The following CCP110 variants were observed in gnomAD, a reference collection of about 807,000 sequenced individuals.
CCP110 encodes the protein centriolar coiled-coil protein 110.
A neutral mutation model predicts 105.5 loss-of-function variants in CCP110; 43 were observed. The ratio of observed to expected loss-of-function variants is 0.41; its 90% CI spans 0.32 to 0.53. The LOEUF (loss-of-function observed/expected upper bound fraction) is 0.53. Among genes scored for constraint, CCP110 ranks in the 20% least tolerant of loss-of-function variants. The pLI, the probability that CCP110 is intolerant of heterozygous loss-of-function variation, is 0.32. For synonymous variants in CCP110, 353 were observed against 392.1 expected (o/e 0.90, Z 1.18); for missense variants, 1,016 against 1,189.1 (o/e 0.85, Z 2.14).
chr16:19,533,268 T>G (rs1470533706), intron 3 of CCP110, among the ~76,000 whole-genome samples: 1 of 152,220 alleles, frequency 6.6e-6, no homozygotes, highest in African/African-American at 2.4e-5. Context: ...TAAGGGTTCA[T>G]TTCTCTGTTG....
chr16:19,551,205 C>T lies in CCP110; in HGVS notation c.2996C>T (p.Ala999Val), dbSNP rs778510509. 22 of 1,609,366 alleles carry T rather than the reference C, an allele frequency of 1.4e-5. 1 individual carries two copies. The South Asian group carries it at 2.2e-4, about 16-fold the overall frequency. Residue 999 changes from alanine (A) to valine (V), a missense_variant, in exon 15 of 15, where the codon GCA becomes GTA. Transcript: ENST00000381396. ...TTTGCTCTATTTTTAGGAGTATATG[C>T]AGGAAAAATCCAAAGAAAGCGGCCA... is the stretch of plus-strand genomic sequence containing the variant.
intron 2 of CCP110, among the ~76,000 whole-genome samples, chr16:19,529,126 A>AT (rs1272447476): frequency 1.3e-5 from 2 of 152,204 alleles, no homozygotes; most frequent in African/African-American, 4.8e-5. Context: ...AAATGGTTAG[A>AT]ATACCACCTG....
At chr16:19,551,282 A>C in exon 15 of CCP110, 1 of 1,552,370 alleles carries the variant, frequency 6.4e-7, no homozygotes. Context: ...AATGGGGGGA[A>C]GGATTATTAT....
intron 14 of CCP110, 89 bp from the exon 14 acceptor site, chr16:19,551,107 G>A: frequency 1.3e-6 from 1 of 793,906 alleles, no homozygotes; most frequent in Non-Finnish European, 2.3e-6. Context: ...GCCTAGCTCA[G>A]TGTTTGTTCC....
exon 10 of CCP110, chr16:19,545,119 A>T: frequency 6.2e-7 from 1 of 1,610,776 alleles, no homozygotes. Context: ...TACGGTATTC[A>T]TGACATATTC....
At chr16:19,527,912 A>C in exon 2 of CCP110, 1 of 1,613,506 alleles carries the variant, frequency 6.2e-7, no homozygotes, top group African/African-American at 1.3e-5. Context: ...CTGTGAAAAA[A>C]GTCTTGCCAG....
At chr16:19,530,889 G>A (rs746696202) in intron 2 of CCP110, among the ~76,000 whole-genome samples, 8 of 152,022 alleles carry the variant, frequency 5.3e-5, no homozygotes, top group Non-Finnish European at 1.2e-4. Flanking sequence ...AGGAGGGATC[G>A]GGATCGCACC....
At chr16:19,543,754 G>A (rs1320461124) in intron 8 of CCP110, among the ~76,000 whole-genome samples, 2 of 152,166 alleles carry the variant, frequency 1.3e-5, no homozygotes, top group African/African-American at 4.8e-5. Flanking sequence ...ATGCGGTTGA[G>A]ATAAGGACTA....
At chr16:19,536,093 A>T (rs1395576529) in exon 4 of CCP110, 1 of 1,614,008 alleles carries the variant, frequency 6.2e-7, no homozygotes, top group Non-Finnish European at 8.5e-7. Context: ...GCTTGATAAG[A>T]TAGCTGGGAT....
At chr16:19,534,607 G>A (rs1375501823) in intron 3 of CCP110, among the ~76,000 whole-genome samples, 2 of 151,896 alleles carry the variant, frequency 1.3e-5, no homozygotes, top group East Asian at 3.9e-4. Flanking sequence ...CATCCTTTTT[G>A]TTTTATTTTG....
chr16:19,548,474 C>A lies in CCP110; in HGVS notation c.2901-41C>A. ...TTCTTTGAATTTTGAACATTTAGAC[C>A]TTAATGCCAGTGACTTATTAATTTT... On this transcript the variant is annotated intron_variant, in intron 13 of 14. Transcript: ENST00000381396. The surrounding 1 kb of genome is among the most constrained non-coding windows in gnomAD (Gnocchi z 4.1). The A allele has an allele frequency of 7.9e-7, 1 of 1,271,852 alleles. No homozygotes were observed. The highest frequency in any genetic ancestry group is 1.1e-6 in the Non-Finnish European group (1 of 908,298). 78.8% of individuals were successfully genotyped at this position (1,271,852 alleles called of 1,614,324 possible). A position where few individuals can be genotyped will look rare whatever the true frequency, so the allele number is the denominator to read the frequency against.
At chr16:19,542,134 T>G in intron 6 of CCP110, 70 bp downstream of exon 6, 1 of 1,031,388 alleles carries the variant, frequency 9.7e-7, no homozygotes, top group Non-Finnish European at 1.4e-6. Context: ...TGGCACACTA[T>G]AAGATTATAT....
intron 2 of CCP110, among the ~76,000 whole-genome samples, chr16:19,531,689 C>T (rs1354669095): frequency 2.0e-5 from 3 of 152,148 alleles, no homozygotes; most frequent in Admixed American, 6.5e-5. Context: ...GAAGATGGGC[C>T]AGGCGCGGTG....
At chr16:19,543,129 ATTGT>A (rs892908551) in intron 8 of CCP110, 135 bp downstream of exon 8, 28 of 590,012 alleles carry the variant, frequency 4.7e-5, no homozygotes, top group South Asian at 3.3e-4. Context: ...TAGAAGTCTG[ATTGT>A]TTGTTGCGGG....
At chr16:19,525,452 G>C (rs1413849841) in intron 1 of CCP110, 1 of 152,196 alleles carries the variant, frequency 6.6e-6, no homozygotes, top group Non-Finnish European at 1.5e-5. Context: ...ATAAAACCTT[G>C]CTGACAGTGG....
chr16:19,527,365 T>TAAA (rs58097336), intron 1 of CCP110, among the ~76,000 whole-genome samples: 45 of 143,852 alleles, frequency 3.1e-4, no homozygotes, highest in African/African-American at 1.0e-3. Context: ...CTTGTCTCTT[T>TAAA]AAAAAAAAAA....
chr16:19,543,702 G>T (rs750293411), intron 8 of CCP110, among the ~76,000 whole-genome samples: 6 of 152,086 alleles, frequency 3.9e-5, no homozygotes, highest in African/African-American at 1.4e-4. Flanking sequence ...ATGCATCCCT[G>T]GGGGGAGGTA....
At chr16:19,541,651 A>G (rs1264616314) in intron 5 of CCP110, among the ~76,000 whole-genome samples, 2 of 1,376 alleles carry the variant, frequency 1.5e-3, no homozygotes, top group African/African-American at 0.034. Context: ...GAGAGAGAGG[A>G]GAGAGAGAGA....
chr16:19,524,734 G>A (rs910595572), intron 1 of CCP110: 22 of 152,186 alleles, frequency 1.4e-4, no homozygotes, highest in African/African-American at 5.3e-4. Context: ...GAGGTCTAGG[G>A]ACAGGGAAAT....
Sources: allele counts gnomAD v4.1 joint callset (sites outside exome capture counted in the v4.1 genomes callset), GRCh38; gene constraint gnomAD v4.1.1; non-coding constraint Gnocchi (gnomAD v3.1); transcripts MANE v1.5; gene names NCBI Gene and HGNC (gene_info 2026-07-23, HGNC 2026-07-21).